The following AGGF1 variants were observed in gnomAD, a reference collection of about 807,000 sequenced individuals.
AGGF1 encodes the protein angiogenic factor with G patch and FHA domains 1.
In AGGF1, 56 loss-of-function variants were observed where a neutral mutation model predicts 86.5. That is an observed-to-expected ratio of 0.65 (90% CI 0.52 to 0.81). The LOEUF (loss-of-function observed/expected upper bound fraction) is 0.81, where lower values mean the gene tolerates loss of function less well. AGGF1 is among the 30% of genes least tolerant of loss of function. The pLI is 0.00. For synonymous variants in AGGF1, 313 were observed against 297.1 expected, an observed-to-expected ratio of 1.05 and a Z score of -0.55; for missense variants, 816 against 850.9, an observed-to-expected ratio of 0.96 and a Z score of 0.51.
At chr5:77,047,583 G>A (rs375717453) in intron 6 of AGGF1, among the ~76,000 whole-genome samples, 9 of 146,988 alleles carry the variant, frequency 6.1e-5, no homozygotes, top group South Asian at 2.1e-4. Flanking sequence ...GCGCAGTCTC[G>A]GCTTACTGTA....
chr5:77,052,494 A>G (rs750430904), intron 8 of AGGF1, among the ~76,000 whole-genome samples: 1 of 152,190 alleles, frequency 6.6e-6, no homozygotes, highest in East Asian at 1.9e-4. Flanking sequence ...TAAATTTTTC[A>G]TGGTAATTAA....
chr5:77,033,447 A>G (rs969426382), intron 1 of AGGF1, among the ~76,000 whole-genome samples: 6 of 152,216 alleles, frequency 3.9e-5, no homozygotes, highest in African/African-American at 1.4e-4. Flanking sequence ...AATCTAATTC[A>G]TAGTGATAGG....
intron 3 of AGGF1, 187 bp downstream of exon 3, chr5:77,035,930 G>A: frequency 3.3e-6 from 2 of 598,498 alleles, no homozygotes; most frequent in Admixed American, 3.0e-5. Context: ...CTTCATATAT[G>A]TAGTGGTTTT....
At position 77,053,961 on chromosome 5, in the gene AGGF1, C is replaced by G. The variant is rs763309491; in HGVS notation, c.1468-4C>G. On this transcript the variant is annotated splice_polypyrimidine_tract_variant and splice_region_variant and intron_variant, in intron 9 of 13. Coordinates refer to ENST00000312916, the MANE Select transcript of AGGF1 (RefSeq NM_018046.5). ...TTCTGTTTTGTAAAATGTTTCCCCTCTAGCCGAAAACTAAATGTGACCCTT... is the reference window on the plus strand; with the variant it reads ...TTCTGTTTTGTAAAATGTTTCCCCTGTAGCCGAAAACTAAATGTGACCCTT... The G allele has an allele frequency of 1.9e-6, 3 of 1,613,970 alleles. No homozygotes were observed. The highest frequency in any genetic ancestry group is 1.7e-6 in the Non-Finnish European group (2 of 1,180,002).
At chr5:77,039,497 TGAATA>T in intron 4 of AGGF1, 29 bp from the exon 5 acceptor site, 2 of 1,537,346 alleles carry the variant, frequency 1.3e-6, no homozygotes, top group Non-Finnish European at 8.9e-7. Flanking sequence ...TTATCTTACA[TGAATA>T]GAATTTATTT....
At chr5:77,062,559 G>A (rs1356749098) in intron 13 of AGGF1, among the ~76,000 whole-genome samples, 1 of 152,176 alleles carries the variant, frequency 6.6e-6, no homozygotes, top group Non-Finnish European at 1.5e-5. Flanking sequence ...AAGCCCCTAA[G>A]CATTGTACCT....
At chr5:77,031,110 C>T (rs1204489970) in intron 1 of AGGF1, 134 bp downstream of exon 1, 15 of 958,420 alleles carry the variant, frequency 1.6e-5, no homozygotes, top group Non-Finnish European at 2.4e-5. Flanking sequence ...AGTAGAAGCT[C>T]AGCGCAGTTA....
chr5:77,050,740 G>T (rs1432737947), intron 8 of AGGF1, among the ~76,000 whole-genome samples: 6 of 152,028 alleles, frequency 3.9e-5, no homozygotes, highest in African/African-American at 1.4e-4. Flanking sequence ...AATTTAGAAG[G>T]CAGACTCGGA....
chr5:77,048,285 A>G lies in AGGF1; in HGVS notation c.1313+13A>G. 1.3e-6 allele frequency: 2 copies of G among 1,503,632 alleles called. No homozygotes were observed. Among genetic ancestry groups the G allele is most frequent in the Non-Finnish European group, 1.8e-6 (2 of 1,081,452 alleles). 93.1% of individuals were successfully genotyped at this position (1,503,632 alleles called of 1,614,324 possible). On this transcript the variant is annotated intron_variant, in intron 7 of 13. Coordinates refer to ENST00000312916, the MANE Select transcript of AGGF1 (RefSeq NM_018046.5). ...CTACAATTGGAAGGTAAAATGGTTA[A>G]TATTATTATATCATTCTTTCAGTTA... is the stretch of plus-strand genomic sequence containing the variant.
rs1487331192 is a variant in AGGF1 at position 77,061,717 on chromosome 5, G to A, written c.1859G>A (p.Ser620Asn). The change falls in exon 13 of 14, where the codon AGC (serine) becomes AAC (asparagine). Residue 620 changes from serine to asparagine, a missense_variant. Physicochemically the swap from Ser to Asn is conservative, Grantham distance 46. This residue lies in a region of AGGF1 where 565 missense variants were observed against 585.8 expected (regional missense o/e 0.96). Transcript: ENST00000312916. ...ATTCCTTAAAGTGAAATTACTGATA[G>A]CAACAAAGGTCGGAAGATGTTGGAG... ...PASVHSEITD[S>N]NKGRKMLEKM... 6.2e-7 allele frequency: 1 copy of A among 1,607,124 alleles called. No individual in the cohort carries two copies. Among genetic ancestry groups the A allele is most frequent in the Non-Finnish European group, 8.5e-7 (1 of 1,176,076 alleles).
chr5:77,036,806 C>T (rs1746977627), intron 4 of AGGF1, 86 bp downstream of exon 4: 2 of 1,429,656 alleles, frequency 1.4e-6, no homozygotes, highest in Admixed American at 1.7e-5. Context: ...GGAGTGATCT[C>T]AGCTCACTGC....
chr5:77,053,533 T>G (rs536486281), intron 9 of AGGF1, among the ~76,000 whole-genome samples: 6 of 152,026 alleles, frequency 3.9e-5, no homozygotes, highest in Admixed American at 6.6e-5. Context: ...AGAAAAAATA[T>G]AGGAAGGCGG....
chr5:77,060,704 A>AT (rs1747547183), intron 12 of AGGF1, among the ~76,000 whole-genome samples: 1 of 152,072 alleles, frequency 6.6e-6, no homozygotes, highest in South Asian at 2.1e-4. Context: ...AAATGGCAAC[A>AT]TTTTTTTCTT....
chr5:77,037,165 T>C (rs1344093135), intron 4 of AGGF1, among the ~76,000 whole-genome samples: 2 of 152,222 alleles, frequency 1.3e-5, no homozygotes, highest in East Asian at 3.8e-4. Context: ...ATAAATTTTA[T>C]TGTGATTATT....
At chr5:77,052,172 G>A (rs1004668169) in intron 8 of AGGF1, among the ~76,000 whole-genome samples, 1 of 152,082 alleles carries the variant, frequency 6.6e-6, no homozygotes, top group Non-Finnish European at 1.5e-5. Flanking sequence ...GGGCAACATG[G>A]TGAAACCCTG....
At position 77,063,123 on chromosome 5, in the gene AGGF1, CCTT is replaced by C; in HGVS notation, c.2019_2021del (p.Leu674del). 6.2e-7 allele frequency: 1 copy of C among 1,614,044 alleles called. No individual in the cohort carries two copies. ...AACCATCCTCATTTGAAGATGTTCA[CCTT>C]CTCCAAAACAAGAACAAAAAAAACT... On this transcript the variant is annotated inframe_deletion, in exon 14 of 14. Coordinates refer to ENST00000312916, the MANE Select transcript of AGGF1 (RefSeq NM_018046.5).
intron 11 of AGGF1, among the ~76,000 whole-genome samples, chr5:77,057,622 G>T (rs187668814): frequency 6.6e-6 from 1 of 152,196 alleles, no homozygotes; most frequent in South Asian, 2.1e-4. Context: ...CAAATAGTGA[G>T]CAAGAGATGA....
chr5:77,043,604 T>G (rs1747182132), intron 5 of AGGF1, among the ~76,000 whole-genome samples: 1 of 71,710 alleles, frequency 1.4e-5, no homozygotes, highest in South Asian at 6.2e-4. Context: ...CCCCCCCGGA[T>G]GGCACGGCTG....
chr5:77,063,003 A>G, intron 13 of AGGF1, 49 bp from the exon 14 acceptor site: 1 of 1,595,526 alleles, frequency 6.3e-7, no homozygotes, highest in Non-Finnish European at 8.6e-7. Flanking sequence ...AGCAGATTTC[A>G]ATGTGTTTAG....
Sources: allele counts gnomAD v4.1 joint callset (sites outside exome capture counted in the v4.1 genomes callset), GRCh38; gene constraint gnomAD v4.1.1; regional missense constraint gnomAD v4.1.1; transcripts MANE v1.5; gene names NCBI Gene and HGNC (gene_info 2026-07-23, HGNC 2026-07-21).